LCOR: variants seen among roughly 807,000 people sequenced by gnomAD.
LCOR encodes ligand-dependent corepressor.
In LCOR, 14 loss-of-function variants were observed where a neutral mutation model predicts 64.4. That is an observed-to-expected ratio of 0.22 (90% CI 0.14 to 0.34). The LOEUF (loss-of-function observed/expected upper bound fraction) is 0.34, where lower values mean the gene tolerates loss of function less well. Ranked by LOEUF, LCOR falls within the 10% of genes least tolerant of loss-of-function variation. The pLI is 1.00. For synonymous variants in LCOR, 643 were observed against 642.5 expected (o/e 1.00, Z -0.01); for missense variants, 1,686 against 1,765.3 (o/e 0.96, Z 0.80).
intron 2 of LCOR, among the ~76,000 whole-genome samples, chr10:96,861,090 A>T (rs1175035317): frequency 6.6e-6 from 1 of 152,118 alleles, no homozygotes; most frequent in African/African-American, 2.4e-5. Context: ...AAACGTAATG[A>T]ATATTCTTTT....
chr10:96,873,637 C>G (rs151124286), intron 2 of LCOR, among the ~76,000 whole-genome samples: 285 of 149,066 alleles, frequency 1.9e-3, no homozygotes, highest in Middle Eastern at 3.4e-3. Context: ...GGGTCTCCCT[C>G]TGTGGCCCAG....
At chr10:96,929,462 C>G (rs1318333433) in intron 4 of LCOR, among the ~76,000 whole-genome samples, 1 of 152,268 alleles carries the variant, frequency 6.6e-6, no homozygotes, top group Non-Finnish European at 1.5e-5. Context: ...GCTTCCTCAC[C>G]TCTCAGCCTT....
At chr10:96,896,236 A>T (rs997939070) in intron 2 of LCOR, among the ~76,000 whole-genome samples, 2 of 152,080 alleles carry the variant, frequency 1.3e-5, no homozygotes, top group East Asian at 3.9e-4. Flanking sequence ...GGATCTCACT[A>T]TTACCGTATA....
intron 2 of LCOR, among the ~76,000 whole-genome samples, chr10:96,881,848 G>A (rs965753284): frequency 3.9e-5 from 6 of 152,148 alleles, no homozygotes; most frequent in Non-Finnish European, 7.3e-5. Flanking sequence ...CCTCTTAAAA[G>A]CCATGTGATC....
chr10:96,901,093 G>A (rs1331075526), intron 2 of LCOR, among the ~76,000 whole-genome samples: 1 of 151,974 alleles, frequency 6.6e-6, no homozygotes, highest in African/African-American at 2.4e-5. Flanking sequence ...GGAGGCTGAG[G>A]CAGCAGAATG....
intron 4 of LCOR, among the ~76,000 whole-genome samples, chr10:96,933,494 C>T (rs1847298083): frequency 1.3e-5 from 2 of 152,224 alleles, no homozygotes; most frequent in South Asian, 4.1e-4. Flanking sequence ...AAGTTAGTAG[C>T]TTAAATGGAA....
At chr10:96,920,628 G>A (rs1390498446) in intron 4 of LCOR, among the ~76,000 whole-genome samples, 13 of 140,708 alleles carry the variant, frequency 9.2e-5, no homozygotes, top group African/African-American at 3.2e-4. Flanking sequence ...ATATATGTAT[G>A]TACATTCATA....
rs769709239 is a variant in LCOR at position 96,955,528 on chromosome 10, G to A, written c.332+3332G>A. On this transcript the variant is annotated intron_variant, in intron 7 of 7. Coordinates refer to ENST00000421806, the MANE Select transcript of LCOR (RefSeq NM_001346516.2). ...ATTCTTCCAAAACAAAGTAGAAAAA[G>A]CATGTTAGATGCTGGACCCGATTCT... 3 of 1,614,152 alleles carry A rather than the reference G, an allele frequency of 1.9e-6. No homozygotes were observed. In the South Asian group the frequency reaches 3.3e-5, roughly 18 times the overall value.
chr10:96,965,434 G>A (rs576852888), intron 7 of LCOR, among the ~76,000 whole-genome samples: 5 of 150,962 alleles, frequency 3.3e-5, no homozygotes, highest in African/African-American at 9.7e-5. Context: ...AGGCCGAGGC[G>A]AGCGGATCAC....
chr10:96,920,191 G>A (rs1168945706), intron 4 of LCOR, among the ~76,000 whole-genome samples: 1 of 151,340 alleles, frequency 6.6e-6, no homozygotes. Context: ...TTTAATAGTA[G>A]CCATGCTAAT....
rs1354650167 is a variant in LCOR, at chr10:96,840,355, G to T, written c.-330+6876G>T. Among the ~76,000 whole-genome samples the T allele has an allele frequency of 2.6e-5, 4 of 152,178 alleles. No homozygotes were observed. In the East Asian group the frequency reaches 7.7e-4, roughly 29 times the overall value. The stretch of plus-strand genomic sequence containing the variant: ...TCTGAATTCATTATTGTGCAAGCCA[G>T]TGAATTTTACATAGTAAAAACTAGT... On this transcript the variant is annotated intron_variant, in intron 2 of 7. Transcript: ENST00000421806.
chr10:96,908,412 A>G (rs1456005365), intron 4 of LCOR, among the ~76,000 whole-genome samples: 1 of 152,250 alleles, frequency 6.6e-6, no homozygotes, highest in African/African-American at 2.4e-5. Context: ...TTAGTACAAA[A>G]AGAACAGTAA....
intron 7 of LCOR, among the ~76,000 whole-genome samples, chr10:96,967,717 A>G (rs1400744972): frequency 6.6e-6 from 1 of 152,228 alleles, no homozygotes; most frequent in Non-Finnish European, 1.5e-5. Context: ...CTAAAGGAAA[A>G]AAAAGATCTG....
intron 2 of LCOR, among the ~76,000 whole-genome samples, chr10:96,836,322 A>G (rs1469916675): frequency 1.3e-5 from 2 of 152,058 alleles, no homozygotes; most frequent in African/African-American, 2.4e-5. Context: ...GGGTTTGGCT[A>G]TGTTGTCCAG....
intron 7 of LCOR, among the ~76,000 whole-genome samples, chr10:96,978,104 T>C (rs1297611724): frequency 1.3e-5 from 2 of 152,202 alleles, no homozygotes; most frequent in Non-Finnish European, 1.5e-5. Flanking sequence ...CTGGTAGACA[T>C]AGTGACAAAG....
intron 2 of LCOR, among the ~76,000 whole-genome samples, chr10:96,859,239 T>A (rs1280850004): frequency 6.6e-6 from 1 of 152,180 alleles, no homozygotes; most frequent in Non-Finnish European, 1.5e-5. Context: ...AGATGGTCAG[T>A]GGCATCTGTT....
intron 2 of LCOR, among the ~76,000 whole-genome samples, chr10:96,842,660 T>C (rs1422033088): frequency 6.6e-6 from 1 of 150,442 alleles, no homozygotes; most frequent in Non-Finnish European, 1.5e-5. Context: ...AGACTGAGTC[T>C]GGCTCCGTCA....
intron 2 of LCOR, among the ~76,000 whole-genome samples, chr10:96,864,107 A>T (rs916623849): frequency 6.6e-6 from 1 of 152,170 alleles, no homozygotes; most frequent in African/African-American, 2.4e-5. Flanking sequence ...CTTAAGGTCC[A>T]ATATCTTAGA....
At chr10:96,925,408 A>G (rs897808413) in intron 4 of LCOR, among the ~76,000 whole-genome samples, 8 of 152,124 alleles carry the variant, frequency 5.3e-5, no homozygotes, top group Admixed American at 1.3e-4. Flanking sequence ...GACATTTTTT[A>G]ATAGGATGGA....
Sources: gnomAD v4.1 joint callset for allele counts (sites outside exome capture counted in the v4.1 genomes callset) on GRCh38, gnomAD v4.1.1 for gene constraint, MANE v1.5 for transcripts, NCBI Gene and HGNC (gene_info 2026-07-23, HGNC 2026-07-21) for gene names.